ENKUR: variants seen among roughly 807,000 people sequenced by gnomAD.
The protein encoded by ENKUR is enkurin, TRPC channel interacting protein, also known as enkurin.
Under a neutral mutation model 27.6 loss-of-function variants are expected in ENKUR, and 19 were observed. The ratio of observed to expected loss-of-function variants is 0.69; its 90% CI spans 0.48 to 1.01. The LOEUF (loss-of-function observed/expected upper bound fraction) is 1.01. Among genes scored for constraint, ENKUR ranks in the 50% least tolerant of loss-of-function variants. The pLI, the probability that ENKUR is intolerant of heterozygous loss-of-function variation, is 0.00. For synonymous variants in ENKUR, 117 were observed against 96.9 expected (o/e 1.21, Z -1.22); for missense variants, 312 against 310.5 (o/e 1.00, Z -0.04).
chr10:25,003,175 TTA>T lies in ENKUR; in HGVS notation c.78-3631_78-3630del, dbSNP rs1564340703. Reference sequence around the variant, plus strand: ...AGTGTTTCTTTAATTAATTAATTAATTAATTAATTTATTTATTTATTCATTTA... The same window carrying T: ...AGTGTTTCTTTAATTAATTAATTAATATTAATTTATTTATTTATTCATTTA... On this transcript the variant is annotated intron_variant, in intron 1 of 5. Coordinates refer to ENST00000331161, the MANE Select transcript of ENKUR (RefSeq NM_145010.4). Among the ~76,000 whole-genome samples, 108 of 138,768 alleles carry T rather than the reference TTA, an allele frequency of 7.8e-4. 1 individual carries two copies. Among genetic ancestry groups the T allele is most frequent in the Admixed American group, 1.6e-3 (22 of 13,824 alleles). The allele number at this position is 138,768 out of a possible 152,430, so 91.0% of individuals were successfully genotyped here. A position where few individuals can be genotyped will look rare whatever the true frequency, so the allele number is the denominator to read the frequency against.
intron 2 of ENKUR, 85 bp downstream of exon 2, chr10:24,999,316 T>A: frequency 7.6e-7 from 1 of 1,314,852 alleles, no homozygotes; most frequent in Non-Finnish European, 1.0e-6. Context: ...CACCTGTGCA[T>A]GTTTAATATT....
At chr10:24,988,914 G>C (rs1588647183) in intron 4 of ENKUR, among the ~76,000 whole-genome samples, 2 of 151,624 alleles carry the variant, frequency 1.3e-5, no homozygotes, top group African/African-American at 2.4e-5. Context: ...TCGTCAGGAG[G>C]CCAGCCGGTG....
intron 2 of ENKUR, among the ~76,000 whole-genome samples, chr10:25,054,430 C>T (rs1481615733): frequency 1.3e-5 from 2 of 151,868 alleles, no homozygotes; most frequent in African/African-American, 2.4e-5. Context: ...CTCAAATAAA[C>T]AAATAAATAG....
exon 2 of ENKUR, chr10:25,061,331 T>C (rs1851325414): frequency 3.3e-6 from 2 of 615,070 alleles, no homozygotes; most frequent in Non-Finnish European, 5.8e-6. Context: ...CCTGCTCTGT[T>C]GGGTGCAGCT....
At chr10:25,037,586 A>T (rs1851021951) in intron 2 of ENKUR, among the ~76,000 whole-genome samples, 2 of 152,222 alleles carry the variant, frequency 1.3e-5, no homozygotes, top group Non-Finnish European at 2.9e-5. Context: ...TAATGAAAGC[A>T]TCTGGAAATT....
intron 2 of ENKUR, chr10:25,026,538 C>G (rs1361680407): frequency 6.0e-6 from 1 of 166,798 alleles, no homozygotes; most frequent in East Asian, 1.9e-4. Context: ...TTTCTGGCAG[C>G]TGAAACTGCA....
rs566488086 is a variant in ENKUR at position 25,015,783 on chromosome 10, C to T, written c.77+77G>A. Reference sequence around the variant, plus strand: ...TACATTTTATTTATTATTAAAAATTCCAGTATATGTATGCTTAATTAATAC... The same window carrying T: ...TACATTTTATTTATTATTAAAAATTTCAGTATATGTATGCTTAATTAATAC... On this transcript the variant is annotated intron_variant, in intron 1 of 5. Coordinates refer to ENST00000331161, the MANE Select transcript of ENKUR (RefSeq NM_145010.4). The T allele has an allele frequency of 1.6e-3, 1,965 of 1,265,800 alleles. 3 individuals carry two copies. The highest frequency in any genetic ancestry group is 1.6e-3 in the Non-Finnish European group (1,489 of 947,782). 78.4% of individuals were successfully genotyped at this position (1,265,800 alleles called of 1,614,324 possible). A position where few individuals can be genotyped will look rare whatever the true frequency, so the allele number is the denominator to read the frequency against.
chr10:25,021,051 A>G (rs1269595171), upstream of ENKUR, among the ~76,000 whole-genome samples: 1 of 152,166 alleles, frequency 6.6e-6, no homozygotes, highest in Non-Finnish European at 1.5e-5. Flanking sequence ...GCATGGCAAA[A>G]CAGTTCTTGA....
At chr10:25,001,862 T>C (rs1295914185) in intron 1 of ENKUR, among the ~76,000 whole-genome samples, 2 of 152,188 alleles carry the variant, frequency 1.3e-5, no homozygotes, top group African/African-American at 2.4e-5. Flanking sequence ...TACTATGTTT[T>C]CTCTTGGTTA....
intron 2 of ENKUR, among the ~76,000 whole-genome samples, chr10:25,038,937 G>A (rs1011036543): frequency 3.3e-5 from 5 of 152,200 alleles, no homozygotes; most frequent in Non-Finnish European, 7.3e-5. Flanking sequence ...AAATAAAAAT[G>A]TGTACAGTGA....
chr10:24,988,694 A>G lies in ENKUR; in HGVS notation c.594+1769T>C, dbSNP rs1463814868. Among the ~76,000 whole-genome samples, 127 of 33,954 alleles carry G rather than the reference A, an allele frequency of 3.7e-3. 6 individuals are homozygous for G. Among genetic ancestry groups the G allele is most frequent in the African/African-American group, 0.015 (102 of 6,956 alleles). 22.3% of individuals were successfully genotyped at this position (33,954 alleles called of 152,430 possible). On this transcript the variant is annotated intron_variant, in intron 4 of 5. Coordinates refer to ENST00000331161, the MANE Select transcript of ENKUR (RefSeq NM_145010.4). ...TATATATATATATATATATATATATATATATATATATATATATATATATAT... is the reference window on the plus strand; with the variant it reads ...TATATATATATATATATATATATATGTATATATATATATATATATATATAT...
At chr10:25,042,893 AG>A (rs1851081314) in intron 2 of ENKUR, among the ~76,000 whole-genome samples, 1 of 152,174 alleles carries the variant, frequency 6.6e-6, no homozygotes, top group African/African-American at 2.4e-5. Flanking sequence ...ATGTAAATGC[AG>A]TGCATGATCT....
At chr10:25,052,729 C>T (rs1393454330) in intron 2 of ENKUR, among the ~76,000 whole-genome samples, 6 of 152,128 alleles carry the variant, frequency 3.9e-5, no homozygotes, top group Admixed American at 3.9e-4. Flanking sequence ...GCTATGATCA[C>T]ACCACTGCAC....
rs1221885449 is a variant in ENKUR, at chr10:25,023,889, A to T, written c.38-28020T>A. 3 of 1,614,080 alleles carry T rather than the reference A, an allele frequency of 1.9e-6. No homozygotes were observed. The Admixed American group carries it at 5.0e-5, about 27-fold the overall frequency. ...ACAAAGTGCTGAATGCAATTAAAAG[A>T]TACCAAGATGTGGACTCGGAAACAT... On this transcript the variant is annotated intron_variant, in intron 2 of 5. Coordinates refer to the ENKUR transcript ENST00000615958.
intron 2 of ENKUR, among the ~76,000 whole-genome samples, chr10:25,055,278 A>G (rs995881627): frequency 6.6e-6 from 1 of 152,042 alleles, no homozygotes; most frequent in Non-Finnish European, 1.5e-5. Flanking sequence ...CTTGCATGCA[A>G]AAGTTGAGCA....
At chr10:25,025,556 T>C (rs1191200935) in intron 2 of ENKUR, 3 of 1,142,586 alleles carry the variant, frequency 2.6e-6, no homozygotes, top group East Asian at 5.0e-5. Context: ...TATGTAAATA[T>C]CTCTATATCT....
chr10:24,998,072 C>T lies in ENKUR; in HGVS notation c.223+1329G>A, dbSNP rs1850104158. On this transcript the variant is annotated intron_variant, in intron 2 of 5. Transcript: ENST00000331161. Reference sequence around the variant, plus strand: ...TCCACACTTGCTTCTTCCATCTTGCCATCTTGCCTGATAGTGCCCTCACCT... The same window carrying T: ...TCCACACTTGCTTCTTCCATCTTGCTATCTTGCCTGATAGTGCCCTCACCT... 2.0e-5 allele frequency among the ~76,000 whole-genome samples: 3 copies of T among 152,086 alleles called. No individual in the cohort carries two copies. In the South Asian group the frequency reaches 6.2e-4, roughly 32 times the overall value.
chr10:25,005,577 A>G (rs1332832109), intron 1 of ENKUR, among the ~76,000 whole-genome samples: 2 of 152,156 alleles, frequency 1.3e-5, no homozygotes, highest in Admixed American at 6.5e-5. Context: ...TGAACTCTGG[A>G]GCCTAGGCTG....
intron 2 of ENKUR, among the ~76,000 whole-genome samples, chr10:25,026,861 A>G (rs1291091736): frequency 6.6e-6 from 1 of 151,878 alleles, no homozygotes; most frequent in African/African-American, 2.4e-5. Flanking sequence ...TTATATATTA[A>G]CACCAGATCT....
Sources: allele counts gnomAD v4.1 joint callset (sites outside exome capture counted in the v4.1 genomes callset), GRCh38; gene constraint gnomAD v4.1.1; transcripts MANE v1.5; gene names NCBI Gene and HGNC (gene_info 2026-07-23, HGNC 2026-07-21).